Variants in SIK3 observed in about 807,000 individuals in gnomAD.
SIK3 encodes the protein SIK family kinase 3.
Under a neutral mutation model 144.2 loss-of-function variants are expected in SIK3, and 28 were observed. That is an observed-to-expected ratio of 0.19 (90% CI 0.14 to 0.27). The LOEUF (loss-of-function observed/expected upper bound fraction) is 0.27, where lower values mean the gene tolerates loss of function less well. SIK3 is among the 10% of genes least tolerant of loss of function. The pLI, the probability that SIK3 is intolerant of heterozygous loss-of-function variation, is 1.00. For synonymous variants in SIK3, 686 were observed against 676.3 expected (o/e 1.01, Z -0.22); for missense variants, 1,319 against 1,776.0 (o/e 0.74, Z 4.62).
At chr11:117,028,248 C>T (rs1591566855) in intron 1 of SIK3, among the ~76,000 whole-genome samples, 1 of 152,250 alleles carries the variant, frequency 6.6e-6, no homozygotes, top group East Asian at 1.9e-4. Context: ...TAAAGTTAAA[C>T]CCTTTTTTCA....
chr11:117,091,403 G>A (rs1219775752), intron 1 of SIK3, among the ~76,000 whole-genome samples: 2 of 151,556 alleles, frequency 1.3e-5, no homozygotes, highest in South Asian at 2.1e-4. Context: ...ACAGGGTTTC[G>A]CCATGTTAGC....
chr11:116,914,435 C>T (rs1946509239), intron 4 of SIK3, among the ~76,000 whole-genome samples: 1 of 152,078 alleles, frequency 6.6e-6, no homozygotes, highest in Non-Finnish European at 1.5e-5. Context: ...TCTCGAACTC[C>T]TGACCTCAGG....
At chr11:116,973,946 T>C (rs1949855479) in intron 1 of SIK3, among the ~76,000 whole-genome samples, 1 of 152,210 alleles carries the variant, frequency 6.6e-6, no homozygotes, top group Non-Finnish European at 1.5e-5. Flanking sequence ...TGTGGTATCC[T>C]GGACAAGATC....
intron 1 of SIK3, among the ~76,000 whole-genome samples, chr11:117,084,741 T>C (rs1258008519): frequency 1.3e-5 from 2 of 152,088 alleles, no homozygotes; most frequent in African/African-American, 4.8e-5. Context: ...TAAAAAGACA[T>C]AGTAAATTAG....
intron 1 of SIK3, among the ~76,000 whole-genome samples, chr11:117,020,159 C>T (rs1951705229): frequency 6.7e-6 from 1 of 149,622 alleles, no homozygotes; most frequent in African/African-American, 2.5e-5. Flanking sequence ...TAACAGCCAA[C>T]TCAGCCGTTT....
At chr11:116,914,557 A>C (rs1267714018) in intron 4 of SIK3, among the ~76,000 whole-genome samples, 1 of 152,214 alleles carries the variant, frequency 6.6e-6, no homozygotes, top group South Asian at 2.1e-4. Flanking sequence ...AAGGTGAACA[A>C]GACAGACATG....
chr11:116,882,146 T>C (rs1292132321), intron 6 of SIK3, among the ~76,000 whole-genome samples: 1 of 152,132 alleles, frequency 6.6e-6, no homozygotes, highest in East Asian at 1.9e-4. Flanking sequence ...TAGTACAAAA[T>C]GGGCCAGGCA....
intron 1 of SIK3, among the ~76,000 whole-genome samples, chr11:116,981,259 C>T (rs1448740250): frequency 6.6e-6 from 1 of 152,164 alleles, no homozygotes; most frequent in Non-Finnish European, 1.5e-5. Flanking sequence ...CTTGCAGGAT[C>T]GCTTACTTAA....
Position 116,859,577 on chromosome 11 carries a change from C to T in SIK3, c.2453G>A (p.Gly818Asp). The change falls in exon 20 of 25, where the codon GGC (glycine) becomes GAC (aspartate). Residue 818 changes from glycine to aspartate, a missense_variant. Physicochemically the swap from Gly to Asp is moderately conservative, Grantham distance 94. Around this residue, in one of 8 missense-constraint regions of SIK3, gnomAD observed 646 missense variants for 763.7 expected, o/e 0.85. Coordinates refer to ENST00000445177, the MANE Select transcript of SIK3 (RefSeq NM_001366686.3). ...AAAGATTGCACTGCGGGAAGGTAAG[C>T]CTTGAAACTGGGAAGAAGATGCAGC... ...HGAASSSQFQ[G>D]LPSRSAIFQQ... is the part of the protein sequence containing the mutation. The T allele has an allele frequency of 6.2e-7, 1 of 1,613,964 alleles. No individual in the cohort carries two copies. The highest frequency in any genetic ancestry group is 8.5e-7 in the Non-Finnish European group (1 of 1,179,902).
At position 116,849,334 on chromosome 11, in the gene SIK3, C is replaced by G. The variant is rs369126811; in HGVS notation, c.3656-51G>C. 1.7e-5 allele frequency: 27 copies of G among 1,604,938 alleles called. No individual in the cohort carries two copies. The highest frequency in any genetic ancestry group is 2.2e-5 in the Non-Finnish European group (26 of 1,173,640). On this transcript the variant is annotated intron_variant, in intron 21 of 24. Transcript: ENST00000445177. The surrounding 1 kb of genome is among the most constrained non-coding windows in gnomAD (Gnocchi z 4.2). ...CAGTGGGGCGGAACTTCTCCCAGCACTGGAAACTCCCATCCAAGAAATGTC... is the reference window on the plus strand; with the variant it reads ...CAGTGGGGCGGAACTTCTCCCAGCAGTGGAAACTCCCATCCAAGAAATGTC...
chr11:116,996,139 C>A (rs1167813603), intron 1 of SIK3, among the ~76,000 whole-genome samples: 1 of 152,068 alleles, frequency 6.6e-6, no homozygotes, highest in African/African-American at 2.4e-5. Context: ...AAAACCCTGT[C>A]TCTACTAAAA....
intron 1 of SIK3, among the ~76,000 whole-genome samples, chr11:116,995,007 G>A (rs957947326): frequency 2.0e-5 from 3 of 151,520 alleles, no homozygotes; most frequent in African/African-American, 4.8e-5. Context: ...GGTGGCTCAC[G>A]CCTGTAATCC....
In SIK3 at chr11:117,043,483, C is replaced by T. The variant is rs183651190; in HGVS notation, c.273+54660G>A. ...ACTGAAATCCATCTGATATTCAACA[C>T]ATGTAACTAAACAGTACAAGCACTA... is the stretch of plus-strand genomic sequence containing the variant. On this transcript the variant is annotated intron_variant, in intron 1 of 24. Coordinates refer to ENST00000445177, the MANE Select transcript of SIK3 (RefSeq NM_001366686.3). Among the ~76,000 whole-genome samples, 233 of 152,288 alleles carry T rather than the reference C, an allele frequency of 1.5e-3. 2 individuals are homozygous for T. Among genetic ancestry groups the T allele is most frequent in the Non-Finnish European group, 4.1e-4 (28 of 68,018 alleles).
chr11:117,061,495 GA>G (rs1253442424), intron 1 of SIK3, among the ~76,000 whole-genome samples: 2 of 152,084 alleles, frequency 1.3e-5, no homozygotes, highest in Non-Finnish European at 2.9e-5. Context: ...GCAAATTGGG[GA>G]TAATAATCAT....
At chr11:117,044,258 G>A (rs915077583) in intron 1 of SIK3, among the ~76,000 whole-genome samples, 3 of 152,000 alleles carry the variant, frequency 2.0e-5, no homozygotes, top group East Asian at 1.9e-4. Context: ...CTTTCTGGGG[G>A]ACAGGTGATA....
Position 116,844,647 on chromosome 11 carries a change from T to TATGTG in SIK3, c.*995_*996insCACAT, listed in dbSNP as rs1565345789. 9 of 109,524 alleles carry TATGTG rather than the reference T, an allele frequency of 8.2e-5. No homozygotes were observed. The highest frequency in any genetic ancestry group is 2.8e-4 in the African/African-American group (8 of 28,306). 6.8% of individuals were successfully genotyped at this position (109,524 alleles called of 1,614,324 possible). ...TATATATAATATATTATATTATATA[T>TATGTG]TATATATATAATATATATATACACA... On this transcript the variant is annotated 3_prime_UTR_variant, in exon 25 of 25. Transcript: ENST00000445177.
chr11:117,031,687 A>ATTTTTTTTT (rs57524562), intron 1 of SIK3, among the ~76,000 whole-genome samples: 57 of 81,542 alleles, frequency 7.0e-4, no homozygotes, highest in South Asian at 1.1e-3. Context: ...CACCCGGCTA[A>ATTTTTTTTT]TTTTTTTTTT....
rs188999199 is a variant in SIK3, at chr11:116,900,812, C to T, written c.617-3495G>A. Among the ~76,000 whole-genome samples, 76 of 152,144 alleles carry T rather than the reference C, an allele frequency of 5.0e-4. 1 individual carries two copies. The East Asian group carries it at 0.013, about 25-fold the overall frequency. The stretch of plus-strand genomic sequence containing the variant: ...CCGTGCTTCCACAGCCTTTTGTTTA[C>T]GCCTCTACATCCCATTACTGTTCTG... On this transcript the variant is annotated intron_variant, in intron 4 of 24. Coordinates refer to ENST00000445177, the MANE Select transcript of SIK3 (RefSeq NM_001366686.3).
chr11:116,943,432 C>A (rs994128683), intron 3 of SIK3, among the ~76,000 whole-genome samples: 5 of 152,104 alleles, frequency 3.3e-5, no homozygotes, highest in Admixed American at 2.6e-4. Context: ...CCTTTACAGG[C>A]CTCTTGAGGT....
Sources: gnomAD v4.1 joint callset for allele counts (sites outside exome capture counted in the v4.1 genomes callset) on GRCh38, gnomAD v4.1.1 for gene constraint, gnomAD v4.1.1 regional missense constraint, Gnocchi (gnomAD v3.1) non-coding constraint, MANE v1.5 for transcripts, NCBI Gene and HGNC (gene_info 2026-07-23, HGNC 2026-07-21) for gene names.